The following DCDC1 variants were observed in gnomAD, a reference collection of about 807,000 sequenced individuals.
DCDC1 encodes the protein doublecortin domain-containing protein 1.
DCDC1 carries 200 observed loss-of-function variants against 178.3 expected under a neutral mutation model. That is an observed-to-expected ratio of 1.12 (90% CI 1.00 to 1.26). The LOEUF is 1.26. Ranked by LOEUF, DCDC1 falls within the 50% of genes most tolerant of loss-of-function variation. DCDC1 has a pLI of 0.00. For synonymous variants in DCDC1, 690 were observed against 604.8 expected (o/e 1.14, Z -2.07); for missense variants, 1,983 against 1,749.2 (o/e 1.13, Z -2.38).
At chr11:31,314,725 C>T (rs1948965459) in intron 3 of DCDC1, among the ~76,000 whole-genome samples, 1 of 147,744 alleles carries the variant, frequency 6.8e-6, no homozygotes, top group South Asian at 2.1e-4. Context: ...TTAGGTCAGG[C>T]ACACCCAGAA....
chr11:31,070,626 G>A (rs910519129), intron 18 of DCDC1, among the ~76,000 whole-genome samples: 1 of 152,134 alleles, frequency 6.6e-6, no homozygotes, highest in Non-Finnish European at 1.5e-5. Context: ...TTCCATAACA[G>A]AGAAGTTTTC....
intron 20 of DCDC1, among the ~76,000 whole-genome samples, chr11:31,023,173 G>A (rs1490449720): frequency 2.0e-5 from 3 of 152,106 alleles, no homozygotes; most frequent in African/African-American, 7.2e-5. Flanking sequence ...GTCCAGAAGC[G>A]TGGCAAGCCC....
chr11:31,335,282 C>A (rs1022821269), intron 2 of DCDC1, among the ~76,000 whole-genome samples, 165 bp downstream of exon 2: 1 of 152,148 alleles, frequency 6.6e-6, no homozygotes, highest in Non-Finnish European at 1.5e-5. Flanking sequence ...GGCTGGAGCA[C>A]CCTATTTTTC....
intron 9 of DCDC1, among the ~76,000 whole-genome samples, chr11:31,183,241 G>A (rs956105200): frequency 1.3e-5 from 2 of 152,170 alleles, no homozygotes; most frequent in African/African-American, 2.4e-5. Flanking sequence ...TCTGGACCAA[G>A]TGGACCTAAT....
chr11:31,132,636 G>C (rs929108544), intron 10 of DCDC1, among the ~76,000 whole-genome samples: 3 of 152,086 alleles, frequency 2.0e-5, no homozygotes, highest in Admixed American at 6.6e-5. Flanking sequence ...GTGTGTGGGG[G>C]CATCCATGTG....
chr11:30,888,162 GGGAAA>G (rs1565030630), intron 36 of DCDC1, among the ~76,000 whole-genome samples: 30 of 121,194 alleles, frequency 2.5e-4, no homozygotes, highest in South Asian at 5.3e-4. Context: ...AAGAAAGAAA[GGGAAA>G]GAAAGAAAGA....
At chr11:31,183,349 A>G (rs908092749) in intron 9 of DCDC1, among the ~76,000 whole-genome samples, 17 of 152,228 alleles carry the variant, frequency 1.1e-4, no homozygotes, top group African/African-American at 4.1e-4. Flanking sequence ...AATTGGAAGT[A>G]AAACACTCCT....
At chr11:31,081,989 C>G (rs1440188392) in intron 17 of DCDC1, among the ~76,000 whole-genome samples, 2 of 152,026 alleles carry the variant, frequency 1.3e-5, no homozygotes, top group Non-Finnish European at 2.9e-5. Flanking sequence ...GCAGAAAAAT[C>G]AAATTTAGAT....
In DCDC1 at chr11:30,974,345, A is replaced by T. The variant is rs185235654; in HGVS notation, c.2592-21777T>A. On this transcript the variant is annotated intron_variant, in intron 20 of 38. Transcript: ENST00000684477. ...AAGGGACTACAAAAGCAAGAAAAAA[A>T]TCCCAAAATTAGTAGAAGGAAAGAA... Among the ~76,000 whole-genome samples the T allele has an allele frequency of 4.6e-3, 703 of 152,074 alleles. 2 individuals carry two copies. Among genetic ancestry groups the T allele is most frequent in the African/African-American group, 0.016 (677 of 41,562 alleles).
chr11:30,926,064 C>T (rs1434976872), intron 22 of DCDC1, among the ~76,000 whole-genome samples: 1 of 152,096 alleles, frequency 6.6e-6, no homozygotes, highest in African/African-American at 2.4e-5. Flanking sequence ...AGCTCCGAGT[C>T]TGGTCAGGGT....
At position 31,287,821 on chromosome 11, in the gene DCDC1, G is replaced by A. The variant is rs527463659; in HGVS notation, c.960+2826C>T. 5.1e-4 allele frequency among the ~76,000 whole-genome samples: 77 copies of A among 151,340 alleles called. No homozygotes were observed. In the South Asian group the frequency reaches 0.012, roughly 23 times the overall value. On this transcript the variant is annotated intron_variant, in intron 7 of 38. Coordinates refer to ENST00000684477, the MANE Select transcript of DCDC1 (RefSeq NM_001387274.1). ...AAATCCAACAAAGGAGAGAGAGAAC[G>A]ATAACTCCCAGGTTGATAGTGAAGA... is the stretch of plus-strand genomic sequence containing the variant.
chr11:30,869,650 T>C (rs1941349000), intron 38 of DCDC1, among the ~76,000 whole-genome samples: 1 of 152,032 alleles, frequency 6.6e-6, no homozygotes, highest in Non-Finnish European at 1.5e-5. Context: ...TCATATAAAA[T>C]GACATGAGAA....
At chr11:31,193,978 G>A (rs1049001011) in intron 9 of DCDC1, among the ~76,000 whole-genome samples, 2 of 152,138 alleles carry the variant, frequency 1.3e-5, no homozygotes, top group South Asian at 2.1e-4. Context: ...GTTCAGATTC[G>A]GGCCCGCTTT....
chr11:31,210,904 G>A (rs1043656012), intron 9 of DCDC1, among the ~76,000 whole-genome samples: 6 of 152,158 alleles, frequency 3.9e-5, no homozygotes, highest in South Asian at 4.2e-4. Context: ...AGGCACCTCC[G>A]GATTCTACTG....
chr11:31,359,770 G>A (rs561868682), intron 1 of DCDC1, among the ~76,000 whole-genome samples: 2 of 152,260 alleles, frequency 1.3e-5, no homozygotes, highest in South Asian at 2.1e-4. Flanking sequence ...ATGTGGGGGT[G>A]TGAGATACTG....
In DCDC1 at chr11:30,929,849, A is replaced by G. The variant is rs533120569; in HGVS notation, c.2897+1922T>C. On this transcript the variant is annotated intron_variant, in intron 22 of 38. Transcript: ENST00000684477. ...AACTCGACAGTCACTATTAAGACTA[A>G]TTGACAAGATCTTGTCACTCACTAG... Among the ~76,000 whole-genome samples the G allele has an allele frequency of 2.6e-5, 4 of 152,202 alleles. No individual in the cohort carries two copies. The South Asian group carries it at 8.3e-4, about 32-fold the overall frequency.
intron 31 of DCDC1, 58 bp from the exon 32 acceptor site, chr11:30,903,741 C>A: frequency 5.4e-6 from 7 of 1,305,990 alleles, no homozygotes; most frequent in South Asian, 2.1e-5. Context: ...TGGGAATGAT[C>A]ATTAAGAGCT....
At chr11:30,894,950 T>G (rs1362282943) in intron 34 of DCDC1, among the ~76,000 whole-genome samples, 1 of 152,222 alleles carries the variant, frequency 6.6e-6, no homozygotes, top group African/African-American at 2.4e-5. Context: ...AAATATTTAT[T>G]GGAATACTGT....
intron 1 of DCDC1, among the ~76,000 whole-genome samples, chr11:31,355,588 G>C (rs540754904): frequency 6.6e-6 from 1 of 151,362 alleles, no homozygotes; most frequent in Admixed American, 6.6e-5. Context: ...TTTTTTTTAA[G>C]TCAGAGTCTT....
Sources: allele counts gnomAD v4.1 joint callset (sites outside exome capture counted in the v4.1 genomes callset), GRCh38; gene constraint gnomAD v4.1.1; transcripts MANE v1.5; gene names NCBI Gene and HGNC (gene_info 2026-07-23, HGNC 2026-07-21).